The following CR1L variants were observed in gnomAD, a reference collection of about 807,000 sequenced individuals.
The protein encoded by CR1L is complement C3b/C4b receptor 1 like.
CR1L carries 59 observed loss-of-function variants against 62.3 expected under a neutral mutation model. That is an observed-to-expected ratio of 0.95 (90% CI 0.77 to 1.18). CR1L has a LOEUF of 1.18. Ranked by LOEUF, CR1L falls within the 50% of genes most tolerant of loss-of-function variation. The pLI, the probability that CR1L is intolerant of heterozygous loss-of-function variation, is 0.00. For synonymous variants in CR1L, 279 were observed against 248.7 expected, an observed-to-expected ratio of 1.12 and a Z score of -1.15; for missense variants, 700 against 702.8, an observed-to-expected ratio of 1.00 and a Z score of 0.04.
In CR1L at chr1:207,654,950, C is replaced by T. The variant is rs142635310; in HGVS notation, c.97+9620C>T. On this transcript the variant is annotated intron_variant, in intron 1 of 11. Transcript: ENST00000508064. ...GAGGCAGCAAAGAGGCTGGGTGGAA[C>T]GGCACAGCAGATTTATTTAGATGTT... Among the ~76,000 whole-genome samples the T allele has an allele frequency of 1.1e-4, 16 of 152,270 alleles. 1 individual carries two copies. The East Asian group carries it at 1.5e-3, about 15-fold the overall frequency.
chr1:207,647,901 G>A (rs1353610625), intron 1 of CR1L, among the ~76,000 whole-genome samples: 2 of 152,096 alleles, frequency 1.3e-5, no homozygotes, highest in Non-Finnish European at 2.9e-5. Flanking sequence ...GAAAACGAAA[G>A]GACTTTTTTT....
intron 10 of CR1L, chr1:207,711,443 A>G (rs1664355694): frequency 6.5e-6 from 1 of 154,188 alleles, no homozygotes; most frequent in South Asian, 2.0e-4. Context: ...GAAGTGAAAA[A>G]ACAGCAGCAA....
At chr1:207,649,725 G>T (rs1244158546) in intron 1 of CR1L, among the ~76,000 whole-genome samples, 4 of 152,110 alleles carry the variant, frequency 2.6e-5, no homozygotes, top group Non-Finnish European at 5.9e-5. Context: ...GGATTTAAAA[G>T]TCTCTAAGCT....
rs914448241 is a variant in CR1L, at chr1:207,662,016, C to T, written c.98-15373C>T. Among the ~76,000 whole-genome samples the T allele has an allele frequency of 2.1e-4, 32 of 152,222 alleles. 1 individual carries two copies. Among genetic ancestry groups the T allele is most frequent in the African/African-American group, 7.5e-4 (31 of 41,448 alleles). On this transcript the variant is annotated intron_variant, in intron 1 of 11. Coordinates refer to ENST00000508064, the MANE Select transcript of CR1L (RefSeq NM_175710.2). ...TGTAGAGTTTCTGCTGAGAGATCCGCTGTTAGTCTGATGGGCGTCCCTTTG... is the reference window on the plus strand; with the variant it reads ...TGTAGAGTTTCTGCTGAGAGATCCGTTGTTAGTCTGATGGGCGTCCCTTTG...
chr1:207,703,832 TA>T (rs1301018705), intron 9 of CR1L, among the ~76,000 whole-genome samples: 1 of 152,128 alleles, frequency 6.6e-6, no homozygotes, highest in Non-Finnish European at 1.5e-5. Context: ...AATGTGCCTG[TA>T]GTCCCAACTA....
chr1:207,674,363 C>T (rs752906050), intron 1 of CR1L, among the ~76,000 whole-genome samples: 1 of 152,058 alleles, frequency 6.6e-6, no homozygotes, highest in Non-Finnish European at 1.5e-5. Flanking sequence ...CTTAATAAAG[C>T]TATAAAAACT....
chr1:207,697,452 G>A (rs1395522960), intron 5 of CR1L, 51 bp from the exon 6 acceptor site: 1 of 1,612,738 alleles, frequency 6.2e-7, no homozygotes, highest in Non-Finnish European at 8.5e-7. Context: ...TTAACAGTGA[G>A]AGAAAAGTTA....
chr1:207,646,067 A>C (rs1174371945), intron 1 of CR1L, among the ~76,000 whole-genome samples: 1 of 138,540 alleles, frequency 7.2e-6, no homozygotes, highest in Non-Finnish European at 1.5e-5. Flanking sequence ...TTCTGTGAAC[A>C]GTGTCCGTGT....
rs140605818 is a variant in CR1L, at chr1:207,663,470, G to A, written c.98-13919G>A. Among the ~76,000 whole-genome samples, 626 of 152,368 alleles carry A rather than the reference G, an allele frequency of 4.1e-3. 4 individuals carry two copies. The highest frequency in any genetic ancestry group is 0.015 in the African/African-American group (608 of 41,590). On this transcript the variant is annotated intron_variant, in intron 1 of 11. Transcript: ENST00000508064. Reference sequence around the variant, plus strand: ...TGTGCGGGATATAATCTCCTGGTGTGCCGTTTGTTAAGCCATTGGAAAAGC... The same window carrying A: ...TGTGCGGGATATAATCTCCTGGTGTACCGTTTGTTAAGCCATTGGAAAAGC...
At position 207,714,271 on chromosome 1, in the gene CR1L, A is replaced by G. The variant is rs1478534535; in HGVS notation, c.1415-3193A>G. ...GTGTTAATTGGTTGGTGAGTATGCA[A>G]AAAAGGCTAAAACAAAGCCACCACT... On this transcript the variant is annotated intron_variant, in intron 10 of 11. Transcript: ENST00000508064. 2.0e-5 allele frequency among the ~76,000 whole-genome samples: 3 copies of G among 152,210 alleles called. No homozygotes were observed. The East Asian group carries it at 5.8e-4, about 29-fold the overall frequency.
intron 1 of CR1L, among the ~76,000 whole-genome samples, chr1:207,666,173 C>G (rs1386072287): frequency 1.3e-5 from 2 of 152,196 alleles, no homozygotes; most frequent in Non-Finnish European, 2.9e-5. Context: ...CTCTTTCCAA[C>G]TCCAGCACTG....
At chr1:207,702,649 G>T (rs1319559186) in intron 9 of CR1L, among the ~76,000 whole-genome samples, 2 of 152,230 alleles carry the variant, frequency 1.3e-5, no homozygotes, top group East Asian at 1.9e-4. Context: ...CAGCCTTATT[G>T]CTGATATGGA....
At chr1:207,677,367 C>T (rs774052674) in intron 1 of CR1L, 22 bp from the exon 2 acceptor site, 30 of 1,311,634 alleles carry the variant, frequency 2.3e-5, no homozygotes, top group Admixed American at 4.4e-5. Flanking sequence ...AACTTCGATG[C>T]TGCTGTGGTC....
chr1:207,660,301 GC>G (rs1259454395), intron 1 of CR1L, among the ~76,000 whole-genome samples: 2 of 152,328 alleles, frequency 1.3e-5, no homozygotes, highest in East Asian at 3.9e-4. Flanking sequence ...ACAGGTGGGT[GC>G]CCCTCTAGGA....
In CR1L at chr1:207,645,326, C is replaced by T. The variant is rs745345595; in HGVS notation, c.93C>T (p.Phe31=). The T allele has an allele frequency of 6.2e-7, 1 of 1,613,898 alleles. No individual in the cohort carries two copies. Among genetic ancestry groups the T allele is most frequent in the African/African-American group, 1.3e-5 (1 of 74,942 alleles). The change falls in exon 1 of 12, where the codon TTC becomes TTT. Residue 31 remains phenylalanine, a synonymous_variant. Transcript: ENST00000508064. ...LAALVLLLSS[F]SDQCNVPEWL... ...CCCTGGTGTTGCTGCTGTCCTCCTT[C>T]TCCGGTAGGACCCCGGGGTGGATTC...
chr1:207,719,314 T>C (rs1293180955), intron 11 of CR1L, among the ~76,000 whole-genome samples: 1 of 142,356 alleles, frequency 7.0e-6, no homozygotes, highest in Non-Finnish European at 1.6e-5. Flanking sequence ...AGTAGATAGA[T>C]GAGAAATATA....
At position 207,677,527 on chromosome 1, in the gene CR1L, TA is replaced by T; in HGVS notation, c.242del (p.Asn81ThrfsTer23). 1 of 1,613,874 alleles carries T rather than the reference TA, an allele frequency of 6.2e-7. No homozygotes were observed. The highest frequency in any genetic ancestry group is 8.5e-7 in the Non-Finnish European group (1 of 1,179,854). On this transcript the variant is annotated frameshift_variant, in exon 2 of 12. Coordinates refer to ENST00000508064, the MANE Select transcript of CR1L (RefSeq NM_175710.2). LOFTEE classifies it high-confidence loss of function. ...YSGRPFSIIC[L>X]KNSVWTSAKD... is the part of the protein sequence containing the mutation. ...GGAAGACCGTTTTCTATCATCTGCC[TA>T]AAAAACTCAGTCTGGACAAGTGCTA...
chr1:207,646,470 G>A (rs1303541271), intron 1 of CR1L, among the ~76,000 whole-genome samples: 1 of 152,040 alleles, frequency 6.6e-6, no homozygotes, highest in African/African-American at 2.4e-5. Context: ...CAGCACTTTG[G>A]GAGGCCCAAG....
chr1:207,668,639 T>C (rs1663559848), intron 1 of CR1L, among the ~76,000 whole-genome samples: 1 of 151,082 alleles, frequency 6.6e-6, no homozygotes, highest in Non-Finnish European at 1.5e-5. Flanking sequence ...TACATCCATA[T>C]TCATTGCTAA....
Sources: gnomAD v4.1 joint callset for allele counts (sites outside exome capture counted in the v4.1 genomes callset) on GRCh38, gnomAD v4.1.1 for gene constraint, MANE v1.5 for transcripts, NCBI Gene and HGNC (gene_info 2026-07-23, HGNC 2026-07-21) for gene names.